GOLGA4: variants seen among roughly 807,000 people sequenced by gnomAD.
GOLGA4 encodes golgin subfamily A member 4.
Under a neutral mutation model 265.9 loss-of-function variants are expected in GOLGA4, and 169 were observed. The observed-to-expected ratio is 0.64, with a 90% CI of 0.56 to 0.72. The LOEUF is 0.72. Ranked by LOEUF, GOLGA4 falls within the 30% of genes least tolerant of loss-of-function variation. The pLI is 0.00. For missense variants in GOLGA4, 2,482 were observed against 2,483.4 expected (o/e 1.00, Z 0.01); for synonymous variants, 923 against 855.8 (o/e 1.08, Z -1.37).
chr3:37,354,068 T>C (rs1041572023), intron 21 of GOLGA4, among the ~76,000 whole-genome samples: 7 of 152,146 alleles, frequency 4.6e-5, no homozygotes, highest in African/African-American at 1.4e-4. Context: ...GTGTATATAA[T>C]AGGAGCTTTA....
chr3:37,362,300 G>T (rs1425385308), intron 23 of GOLGA4, among the ~76,000 whole-genome samples: 1 of 147,456 alleles, frequency 6.8e-6, no homozygotes, highest in Non-Finnish European at 1.5e-5. Flanking sequence ...GCAGTGGCGG[G>T]ATCTCGGCTC....
At chr3:37,341,414 CTCT>C (rs928335360) in intron 20 of GOLGA4, among the ~76,000 whole-genome samples, 3 of 152,132 alleles carry the variant, frequency 2.0e-5, no homozygotes, top group Non-Finnish European at 4.4e-5. Flanking sequence ...ATTTGGCATT[CTCT>C]TCTTTTGTGT....
chr3:37,313,407 A>G (rs570730641), intron 10 of GOLGA4: 3 of 152,150 alleles, frequency 2.0e-5, no homozygotes, highest in Non-Finnish European at 4.4e-5. Flanking sequence ...TTAATGAAAG[A>G]CCTTTTTTTC....
chr3:37,297,533 G>A (rs763559727), intron 7 of GOLGA4, among the ~76,000 whole-genome samples: 4 of 152,206 alleles, frequency 2.6e-5, no homozygotes, highest in Non-Finnish European at 4.4e-5. Context: ...TCATTTTAAG[G>A]AGGGTGGATT....
intron 1 of GOLGA4, 61 bp downstream of exon 1, chr3:37,243,683 G>T: frequency 7.3e-7 from 1 of 1,377,238 alleles, no homozygotes; most frequent in Non-Finnish European, 1.0e-6. Flanking sequence ...GCCCGCGGAC[G>T]AAAGAGGCGG....
chr3:37,324,655 A>G lies in GOLGA4; in HGVS notation c.2769A>G (p.Glu923=). 1 of 1,613,052 alleles carries G rather than the reference A, an allele frequency of 6.2e-7. No homozygotes were observed. The highest frequency in any genetic ancestry group is 8.5e-7 in the Non-Finnish European group (1 of 1,179,530). ...AAATGAGAGAAGGACAGAAGAAAGA[A>G]ATTGAGATACTCACACAGAAATTGT... ...ILQMREGQKK[E]IEILTQKLSA... Residue 923 remains glutamate, a synonymous_variant, in exon 14 of 24, where the codon GAA becomes GAG. Transcript: ENST00000361924.
intron 2 of GOLGA4, among the ~76,000 whole-genome samples, chr3:37,256,172 C>G (rs2096748202): frequency 6.6e-6 from 1 of 152,110 alleles, no homozygotes; most frequent in African/African-American, 2.4e-5. Context: ...GTCCATATGT[C>G]CATATTTGAG....
intron 11 of GOLGA4, among the ~76,000 whole-genome samples, chr3:37,317,531 T>C (rs1465648830): frequency 6.6e-6 from 1 of 152,134 alleles, no homozygotes; most frequent in African/African-American, 2.4e-5. Context: ...TGCCTAGAAG[T>C]GGAATATTAA....
intron 14 of GOLGA4, among the ~76,000 whole-genome samples, chr3:37,328,106 G>T (rs2096977797): frequency 6.6e-6 from 1 of 151,572 alleles, no homozygotes; most frequent in Admixed American, 6.6e-5. Context: ...TTGTTTTGTT[G>T]TTTTTAGTAT....
At chr3:37,311,368 G>A (rs1286931530) in intron 10 of GOLGA4, among the ~76,000 whole-genome samples, 1 of 152,190 alleles carries the variant, frequency 6.6e-6, no homozygotes, top group African/African-American at 2.4e-5. Context: ...TTTTGTGTCA[G>A]AAAGAAGTAT....
intron 2 of GOLGA4, 68 bp downstream of exon 2, chr3:37,251,552 A>G: frequency 1.0e-6 from 1 of 986,024 alleles, no homozygotes; most frequent in Non-Finnish European, 1.6e-6. Context: ...TGCTGTTGAT[A>G]ACAAAATGGG....
chr3:37,256,596 C>T lies in GOLGA4; in HGVS notation c.162+5112C>T, dbSNP rs866634571. Among the ~76,000 whole-genome samples, 10 of 152,286 alleles carry T rather than the reference C, an allele frequency of 6.6e-5. No individual in the cohort carries two copies. The South Asian group carries it at 8.3e-4, about 13-fold the overall frequency. ...CTACTCTGGGTACTCTCCTATCCTG[C>T]GCAAATGGCAGATCTGTCTATTTGA... On this transcript the variant is annotated intron_variant, in intron 2 of 23. Transcript: ENST00000361924.
chr3:37,265,162 A>G (rs1188253142), intron 2 of GOLGA4, among the ~76,000 whole-genome samples: 1 of 149,916 alleles, frequency 6.7e-6, no homozygotes, highest in Non-Finnish European at 1.5e-5. Flanking sequence ...ATTCTATACA[A>G]TTTTATTATG....
chr3:37,306,180 A>G (rs1308176729), intron 10 of GOLGA4, among the ~76,000 whole-genome samples: 1 of 152,202 alleles, frequency 6.6e-6, no homozygotes, highest in Non-Finnish European at 1.5e-5. Flanking sequence ...TCTAGTAGAA[A>G]TGTTAGGCAT....
At chr3:37,329,361 G>A (rs2096982813) in intron 16 of GOLGA4, 1 of 217,490 alleles carries the variant, frequency 4.6e-6, no homozygotes, top group African/African-American at 2.3e-5. Flanking sequence ...CTAAAAGGAA[G>A]AATAGATTCT....
intron 10 of GOLGA4, 144 bp downstream of exon 10, chr3:37,302,476 A>G (rs1559402849): frequency 1.4e-6 from 1 of 732,428 alleles, no homozygotes; most frequent in Admixed American, 3.0e-5. Flanking sequence ...TGCTCATTAG[A>G]GGAGGCAGAG....
chr3:37,261,909 AT>A (rs1183154098), intron 2 of GOLGA4, among the ~76,000 whole-genome samples: 2 of 152,168 alleles, frequency 1.3e-5, no homozygotes, highest in Non-Finnish European at 2.9e-5. Context: ...TGGGTATCAG[AT>A]TGGCTGGATA....
chr3:37,324,972 T>C lies in GOLGA4; in HGVS notation c.3086T>C (p.Ile1029Thr), dbSNP rs2096965723. 6.2e-7 allele frequency: 1 copy of C among 1,613,208 alleles called. No homozygotes were observed. Among genetic ancestry groups the C allele is most frequent in the Admixed American group, 1.7e-5 (1 of 59,916 alleles). The stretch of plus-strand genomic sequence containing the variant: ...CTGGAAACAAACCAAAAAGAACAAA[T>C]AGAAAGTCTTACTGAGGTTCATCGA... ...SRLETNQKEQ[I>T]ESLTEVHRRE... The change falls in exon 14 of 24, where the codon ATA (isoleucine) becomes ACA (threonine). Residue 1029 changes from isoleucine (I) to threonine (T), a missense_variant. Transcript: ENST00000361924.
chr3:37,266,865 G>T (rs759545841), intron 2 of GOLGA4: 50 of 1,286,296 alleles, frequency 3.9e-5, no homozygotes, highest in Non-Finnish European at 1.0e-5. Context: ...TGATAGCAGA[G>T]CCTGCTTTTC....
Sources: gnomAD v4.1 joint callset for allele counts (sites outside exome capture counted in the v4.1 genomes callset) on GRCh38, gnomAD v4.1.1 for gene constraint, MANE v1.5 for transcripts, NCBI Gene and HGNC (gene_info 2026-07-23, HGNC 2026-07-21) for gene names.